The following TFPI variants were observed in gnomAD, a reference collection of about 807,000 sequenced individuals.
TFPI encodes the protein anti-convertin.
TFPI carries 15 observed loss-of-function variants against 34.6 expected under a neutral mutation model. The ratio of observed to expected loss-of-function variants is 0.43; its 90% CI spans 0.29 to 0.67. The LOEUF (loss-of-function observed/expected upper bound fraction) is 0.67, where lower values mean the gene tolerates loss of function less well. Ranked by LOEUF, TFPI falls within the 30% of genes least tolerant of loss-of-function variation. TFPI has a pLI of 0.15. For missense variants in TFPI, 301 were observed against 364.0 expected (o/e 0.83, Z 1.41); for synonymous variants, 105 against 120.1 (o/e 0.87, Z 0.82).
Position 187,464,709 on chromosome 2 carries a change from A to G in TFPI, c.*2227T>C, listed in dbSNP as rs1347524536. On this transcript the variant is annotated 3_prime_UTR_variant, in exon 8 of 8. Coordinates refer to ENST00000233156, the MANE Select transcript of TFPI (RefSeq NM_006287.6). ...TTCACAAGGGCCTTTGATTTCCAAA[A>G]CTCTCAAATTCCACAGCAAAGACTC... 1 of 152,142 alleles carries G rather than the reference A, an allele frequency of 6.6e-6. No individual in the cohort carries two copies. The highest frequency in any genetic ancestry group is 2.4e-5 in the African/African-American group (1 of 41,436). The allele number at this position is 152,142 out of a possible 1,614,324, so 9.4% of individuals were successfully genotyped here.
intron 1 of TFPI, among the ~76,000 whole-genome samples, chr2:187,506,468 A>G (rs1686228506): frequency 6.6e-6 from 1 of 152,094 alleles, no homozygotes; most frequent in Non-Finnish European, 1.5e-5. Flanking sequence ...AAATTGATAC[A>G]TTGTTACTAA....
At chr2:187,484,008 T>C (rs916008812) in intron 6 of TFPI, 116 bp downstream of exon 6, 1 of 815,210 alleles carries the variant, frequency 1.2e-6, no homozygotes, top group Non-Finnish European at 1.9e-6. Context: ...AACACATTAT[T>C]AAGCAACAAC....
intron 1 of TFPI, chr2:187,520,491 T>A (rs571651502): frequency 6.6e-6 from 1 of 152,236 alleles, no homozygotes; most frequent in South Asian, 2.1e-4. Flanking sequence ...GTCTAACCAG[T>A]CCCGATGAGA....
rs1559091348 is a variant in TFPI at position 187,466,317 on chromosome 2, TCAGG to T, written c.*615_*618del. 1 of 151,868 alleles carries T rather than the reference TCAGG, an allele frequency of 6.6e-6. No individual in the cohort carries two copies. Among genetic ancestry groups the T allele is most frequent in the Non-Finnish European group, 1.5e-5 (1 of 67,984 alleles). 9.4% of individuals were successfully genotyped at this position (151,868 alleles called of 1,614,324 possible). On this transcript the variant is annotated 3_prime_UTR_variant, in exon 8 of 8. Coordinates refer to ENST00000233156, the MANE Select transcript of TFPI (RefSeq NM_006287.6). Reference sequence around the variant, plus strand: ...AAAAAAAAAGTGAAACCAATCCAAATCAGGCAGGCACATGATGCAGAGTTGACTG... The same window carrying T: ...AAAAAAAAAGTGAAACCAATCCAAATCAGGCACATGATGCAGAGTTGACTG...
chr2:187,481,818 G>C (rs902590512), intron 6 of TFPI, among the ~76,000 whole-genome samples: 1 of 151,978 alleles, frequency 6.6e-6, no homozygotes, highest in Non-Finnish European at 1.5e-5. Flanking sequence ...TTTAAATGCA[G>C]TTACGATAAC....
rs751082669 is a variant in TFPI at position 187,484,869 on chromosome 2, C to T, written c.477G>A (p.Leu159=). ...QCERFKYGGC[L]GNMNNFETLE... ...GTGTCTCAAAATTGTTCATATTGCC[C>T]AGGCATCCACCATACTTGAAACGTT... The change falls in exon 5 of 8, where the codon CTG becomes CTA. Residue 159 remains leucine (L), a synonymous_variant. Coordinates refer to ENST00000233156, the MANE Select transcript of TFPI (RefSeq NM_006287.6). 6.3e-7 allele frequency: 1 copy of T among 1,594,042 alleles called. No individual in the cohort carries two copies. Among genetic ancestry groups the T allele is most frequent in the Non-Finnish European group, 8.5e-7 (1 of 1,172,662 alleles).
chr2:187,481,225 A>G (rs771686852), intron 6 of TFPI, among the ~76,000 whole-genome samples: 1 of 152,124 alleles, frequency 6.6e-6, no homozygotes, highest in Non-Finnish European at 1.5e-5. Flanking sequence ...TAAAGGATTT[A>G]CAGCTTTTCA....
chr2:187,476,404 A>G (rs1017236148), intron 6 of TFPI, among the ~76,000 whole-genome samples: 1 of 152,128 alleles, frequency 6.6e-6, no homozygotes, highest in East Asian at 1.9e-4. Context: ...CAGTGGCACA[A>G]TTACAGCTCA....
intron 4 of TFPI, among the ~76,000 whole-genome samples, chr2:187,486,663 A>G (rs565337897): frequency 1.6e-4 from 25 of 151,734 alleles, no homozygotes; most frequent in African/African-American, 5.5e-4. Context: ...CTACAGTTGC[A>G]AATCAAAAAA....
intron 1 of TFPI, 27 bp from the exon 2 acceptor site, chr2:187,503,797 A>C: frequency 6.2e-7 from 1 of 1,607,674 alleles, no homozygotes; most frequent in South Asian, 1.1e-5. Flanking sequence ...ATACATATCT[A>C]ATAAATAAAG....
At chr2:187,493,595 T>C (rs1255932308) in intron 3 of TFPI, among the ~76,000 whole-genome samples, 2 of 152,198 alleles carry the variant, frequency 1.3e-5, no homozygotes, top group Non-Finnish European at 2.9e-5. Context: ...TTTCCATACT[T>C]TTATGCTCTG....
intron 1 of TFPI, among the ~76,000 whole-genome samples, chr2:187,547,977 A>C (rs1491004022): frequency 1.3e-5 from 2 of 152,062 alleles, no homozygotes; most frequent in Non-Finnish European, 2.9e-5. Context: ...AATCCTCATT[A>C]CTTTATAAGT....
Position 187,503,734 on chromosome 2 carries a change from C to A in TFPI, c.35G>T (p.Trp12Leu). The A allele has an allele frequency of 1.2e-6, 2 of 1,612,986 alleles. No individual in the cohort carries two copies. Among genetic ancestry groups the A allele is most frequent in the Non-Finnish European group, 1.7e-6 (2 of 1,179,278 alleles). Residue 12 changes from tryptophan to leucine, a missense_variant, in exon 2 of 8, where the codon TGG becomes TTG. Coordinates refer to ENST00000233156, the MANE Select transcript of TFPI (RefSeq NM_006287.6). ...ATTAAGCAGCAGGCATACAGAAGCC[C>A]AAAGTGCATGTACTTTCTTCATTGT... is the stretch of plus-strand genomic sequence containing the variant. ...IYTMKKVHAL[W>L]ASVCLLLNLA...
intron 7 of TFPI, among the ~76,000 whole-genome samples, 179 bp from the exon 8 acceptor site, chr2:187,467,221 A>G (rs1691762430): frequency 6.6e-6 from 1 of 152,016 alleles, no homozygotes. Flanking sequence ...GTTACTTTGC[A>G]TATATGAGTT....
intron 1 of TFPI, among the ~76,000 whole-genome samples, chr2:187,523,056 C>T (rs1293629913): frequency 2.0e-5 from 3 of 151,910 alleles, no homozygotes; most frequent in Admixed American, 1.3e-4. Flanking sequence ...AAAAAATGTG[C>T]ATGTTTCACT....
At position 187,533,065 on chromosome 2, in the gene TFPI, T is replaced by A. The variant is rs144906602; in HGVS notation, c.-3+21135A>T. Among the ~76,000 whole-genome samples the A allele has an allele frequency of 9.7e-3, 1,475 of 152,198 alleles. 15 individuals are homozygous for A. The highest frequency in any genetic ancestry group is 0.029 in the African/African-American group (1,220 of 41,524). On this transcript the variant is annotated intron_variant, in intron 1 of 7. Coordinates refer to ENST00000233156, the MANE Select transcript of TFPI (RefSeq NM_006287.6). ...TCAGAAAGAAAAACAGCAGCCCCAG[T>A]CAGGGGCTTATAGATCAAACTCCCA... is the stretch of plus-strand genomic sequence containing the variant.
chr2:187,528,467 G>A (rs1227846441), intron 1 of TFPI, among the ~76,000 whole-genome samples: 1 of 152,030 alleles, frequency 6.6e-6, no homozygotes, highest in African/African-American at 2.4e-5. Flanking sequence ...AGCAAACCCT[G>A]TTTTATTTCA....
chr2:187,489,542 A>G (rs1305351826), intron 3 of TFPI, among the ~76,000 whole-genome samples: 1 of 151,576 alleles, frequency 6.6e-6, no homozygotes, highest in Admixed American at 6.6e-5. Context: ...TAAAACTAAT[A>G]TGATTTAATT....
intron 3 of TFPI, 109 bp downstream of exon 3, chr2:187,496,772 G>A (rs1685510947): frequency 1.0e-6 from 1 of 987,258 alleles, no homozygotes; most frequent in Non-Finnish European, 1.5e-6. Context: ...AAGATTCCTT[G>A]GAAATATTAA....
Sources: allele counts gnomAD v4.1 joint callset (sites outside exome capture counted in the v4.1 genomes callset), GRCh38; gene constraint gnomAD v4.1.1; transcripts MANE v1.5; gene names NCBI Gene and HGNC (gene_info 2026-07-23, HGNC 2026-07-21).